COL5A2: variants seen among roughly 807,000 people sequenced by gnomAD.
COL5A2 encodes the protein collagen type V alpha 2 chain.
Under a neutral mutation model 208.2 loss-of-function variants are expected in COL5A2, and 23 were observed. That is an observed-to-expected ratio of 0.11 (90% confidence interval 0.08 to 0.16). The LOEUF (loss-of-function observed/expected upper bound fraction) is 0.16, where lower values mean the gene tolerates loss of function less well. Ranked by LOEUF, COL5A2 falls within the 10% of genes least tolerant of loss-of-function variation. COL5A2 has a pLI of 1.00. For missense variants in COL5A2, 1,590 were observed against 1,956.4 expected (o/e 0.81, Z 3.53); for synonymous variants, 625 against 628.5 (o/e 0.99, Z 0.08).
intron 3 of COL5A2, among the ~76,000 whole-genome samples, chr2:189,102,530 T>C (rs1206120594): frequency 6.6e-6 from 1 of 152,146 alleles, no homozygotes; most frequent in Non-Finnish European, 1.5e-5. Context: ...TCTAAAGTTT[T>C]ACTAAATTTA....
the COL5A2 span, among the ~76,000 whole-genome samples, chr2:189,320,012 T>C: frequency 1.3e-5 from 2 of 152,174 alleles, no homozygotes; most frequent in Non-Finnish European, 2.9e-5. Context: ...TTCAGCAATA[T>C]TCACTGTTCT....
chr2:189,429,313 G>A, the COL5A2 span, among the ~76,000 whole-genome samples: 4 of 152,028 alleles, frequency 2.6e-5, no homozygotes, highest in Non-Finnish European at 4.4e-5. Context: ...CTAAATCCTT[G>A]TGGTCCTCAG....
chr2:189,250,741 CCT>C, the COL5A2 span, among the ~76,000 whole-genome samples: 1 of 152,102 alleles, frequency 6.6e-6, no homozygotes, highest in Non-Finnish European at 1.5e-5. Flanking sequence ...CTACACAGTA[CCT>C]CTCTCTTCAC....
the COL5A2 span, among the ~76,000 whole-genome samples, chr2:189,392,671 G>A: frequency 1.3e-5 from 2 of 152,122 alleles, no homozygotes; most frequent in Non-Finnish European, 2.9e-5. Flanking sequence ...AGGTAGGGAA[G>A]ATGGGAAAAA....
At chr2:189,407,460 A>G in the COL5A2 span, among the ~76,000 whole-genome samples, 2 of 152,144 alleles carry the variant, frequency 1.3e-5, no homozygotes, top group African/African-American at 4.8e-5. Flanking sequence ...TACACATTGA[A>G]AGGGACATTT....
At chr2:189,404,773 T>C in the COL5A2 span, among the ~76,000 whole-genome samples, 1 of 152,210 alleles carries the variant, frequency 6.6e-6, no homozygotes, top group African/African-American at 2.4e-5. Context: ...CATCCAGAGG[T>C]ACAAATCTTA....
intron 1 of COL5A2, among the ~76,000 whole-genome samples, chr2:189,219,112 A>G (rs1313937361): frequency 6.6e-6 from 1 of 152,234 alleles, no homozygotes; most frequent in Non-Finnish European, 1.5e-5. Flanking sequence ...TAGTGTTCCA[A>G]TAACAAAGCT....
the COL5A2 span, among the ~76,000 whole-genome samples, chr2:189,328,104 T>C: frequency 2.0e-5 from 3 of 152,198 alleles, no homozygotes; most frequent in Admixed American, 6.5e-5. Flanking sequence ...AGTTCCCCTG[T>C]GCCTTATCCA....
the COL5A2 span, among the ~76,000 whole-genome samples, chr2:189,281,573 G>C: frequency 6.6e-6 from 1 of 152,184 alleles, no homozygotes; most frequent in Non-Finnish European, 1.5e-5. Flanking sequence ...TTTGATTCAT[G>C]AGGCAAAGAA....
chr2:189,330,226 A>G, the COL5A2 span, among the ~76,000 whole-genome samples: 1 of 152,158 alleles, frequency 6.6e-6, no homozygotes, highest in Non-Finnish European at 1.5e-5. Flanking sequence ...GACCAAGTAC[A>G]CTTCAAAATG....
intron 1 of COL5A2, among the ~76,000 whole-genome samples, chr2:189,170,620 T>A (rs1688555144): frequency 6.6e-6 from 1 of 152,146 alleles, no homozygotes; most frequent in African/African-American, 2.4e-5. Context: ...TGAGAAAGGA[T>A]GCTGCATGGT....
At chr2:189,035,330 G>A (rs1020806552) in intron 52 of COL5A2, among the ~76,000 whole-genome samples, 175 bp from the exon 53 acceptor site, 1 of 152,024 alleles carries the variant, frequency 6.6e-6, no homozygotes, top group Non-Finnish European at 1.5e-5. Flanking sequence ...ATCTTAAAAT[G>A]TCTATGAATA....
chr2:189,316,171 G>T, the COL5A2 span, among the ~76,000 whole-genome samples: 1 of 152,064 alleles, frequency 6.6e-6, no homozygotes, highest in African/African-American at 2.4e-5. Flanking sequence ...TATGTTCCTT[G>T]AACCACTATT....
At chr2:189,252,875 T>C in the COL5A2 span, among the ~76,000 whole-genome samples, 2 of 152,090 alleles carry the variant, frequency 1.3e-5, no homozygotes, top group Non-Finnish European at 2.9e-5. Flanking sequence ...TTTGAGAAGT[T>C]TGAGAAAGGA....
the COL5A2 span, among the ~76,000 whole-genome samples, chr2:189,362,077 T>C: frequency 6.6e-6 from 1 of 152,128 alleles, no homozygotes; most frequent in Admixed American, 6.6e-5. Context: ...GTATTATAAA[T>C]TTGTCCGTTT....
chr2:189,243,228 G>A, the COL5A2 span, among the ~76,000 whole-genome samples: 5 of 152,000 alleles, frequency 3.3e-5, no homozygotes, highest in Non-Finnish European at 7.4e-5. Context: ...AAGAAAGGGA[G>A]GGAGAGAGGA....
chr2:189,411,567 G>A, the COL5A2 span, among the ~76,000 whole-genome samples: 1 of 152,106 alleles, frequency 6.6e-6, no homozygotes, highest in African/African-American at 2.4e-5. Context: ...TCAGATGTCG[G>A]TAGACTTTCA....
At chr2:189,350,608 A>G in the COL5A2 span, among the ~76,000 whole-genome samples, 2 of 152,150 alleles carry the variant, frequency 1.3e-5, no homozygotes, top group African/African-American at 2.4e-5. Context: ...GTTATTCCAC[A>G]TGGCTTTGTG....
At chr2:189,370,365 T>C in the COL5A2 span, among the ~76,000 whole-genome samples, 4 of 152,220 alleles carry the variant, frequency 2.6e-5, no homozygotes, top group Non-Finnish European at 5.9e-5. Context: ...AATAAAATAA[T>C]GTGTGAAAAG....
Sources: gnomAD v4.1 joint callset for allele counts (sites outside exome capture counted in the v4.1 genomes callset) on GRCh38, gnomAD v4.1.1 for gene constraint, MANE v1.5 for transcripts, NCBI Gene and HGNC (gene_info 2026-07-23, HGNC 2026-07-21) for gene names.